AIRIM: variants seen among roughly 807,000 people sequenced by gnomAD.
The protein encoded by AIRIM is AFG2 interacting ribosome maturation factor.
the AIRIM span, among the ~76,000 whole-genome samples, chr1:37,685,354 T>C: frequency 6.7e-6 from 1 of 149,544 alleles, no homozygotes; most frequent in Non-Finnish European, 1.5e-5. Flanking sequence ...GGACTATAGC[T>C]GCACACCATC....
chr1:37,690,384 T>C, the AIRIM span: 1 of 1,289,742 alleles, frequency 7.8e-7, no homozygotes, highest in Non-Finnish European at 1.0e-6. Context: ...CCAAGCGCCG[T>C]CTCTTCTCTG....
At chr1:37,684,748 T>A in the AIRIM span, among the ~76,000 whole-genome samples, 1 of 152,196 alleles carries the variant, frequency 6.6e-6, no homozygotes, top group Non-Finnish European at 1.5e-5. Flanking sequence ...ACAATCCAGT[T>A]GGAGGCATCT....
the AIRIM span, among the ~76,000 whole-genome samples, chr1:37,687,059 AGTGTGTGTGTGTGTGT>A: frequency 0.019 from 2,685 of 141,368 alleles, 67 homozygotes; most frequent in African/African-American, 0.056. Context: ...CCGTCTCAAA[AGTGTGTGTGTGTGTGT>A]GTGTGTGTGT....
chr1:37,690,570 G>C, the AIRIM span: 16 of 998,322 alleles, frequency 1.6e-5, no homozygotes, highest in Non-Finnish European at 1.9e-5. Flanking sequence ...CCGCGGGCCT[G>C]CCTGGCTACT....
At chr1:37,689,083 T>C in the AIRIM span, among the ~76,000 whole-genome samples, 1 of 151,804 alleles carries the variant, frequency 6.6e-6, no homozygotes. Flanking sequence ...CAGAACAAAG[T>C]GGTGATTAAG....
At chr1:37,685,195 G>GA in the AIRIM span, among the ~76,000 whole-genome samples, 13 of 128,444 alleles carry the variant, frequency 1.0e-4, 1 homozygote, top group South Asian at 6.4e-4. Flanking sequence ...TTTTTTTTGG[G>GA]GGGGGGGGGT....
the AIRIM span, chr1:37,683,295 CAAAG>C: frequency 2.6e-5 from 42 of 1,613,624 alleles, no homozygotes; most frequent in Non-Finnish European, 2.6e-5. Flanking sequence ...AGAGGAGACA[CAAAG>C]GAAGAACACA....
chr1:37,690,515 A>C, the AIRIM span: 6 of 1,188,186 alleles, frequency 5.0e-6, no homozygotes, highest in Non-Finnish European at 6.4e-6. Flanking sequence ...ACGCGCCCAC[A>C]GTCTCTCTGC....
At chr1:37,690,142 G>A in the AIRIM span, 33 of 1,181,892 alleles carry the variant, frequency 2.8e-5, no homozygotes, top group Non-Finnish European at 3.7e-5. Context: ...TCAGCCTCCC[G>A]AGTAGCTGGG....
At chr1:37,685,179 G>C in the AIRIM span, among the ~76,000 whole-genome samples, 1 of 117,422 alleles carries the variant, frequency 8.5e-6, no homozygotes, top group Non-Finnish European at 1.6e-5. Flanking sequence ...TCTGTCACTC[G>C]AATGCTTTTT....
the AIRIM span, chr1:37,689,411 C>A: frequency 3.3e-6 from 2 of 597,648 alleles, no homozygotes; most frequent in African/African-American, 1.9e-5. Flanking sequence ...CATGCCTAGT[C>A]TCTGACAAAG....
chr1:37,686,478 C>T, the AIRIM span: 2 of 1,604,228 alleles, frequency 1.2e-6, no homozygotes, highest in Non-Finnish European at 1.7e-6. Context: ...TGACATTAGG[C>T]AATATCATGA....
chr1:37,684,596 G>A, the AIRIM span, among the ~76,000 whole-genome samples: 1 of 152,206 alleles, frequency 6.6e-6, no homozygotes, highest in Non-Finnish European at 1.5e-5. Flanking sequence ...CCCAGTCTGG[G>A]CAACAAGAGC....
chr1:37,689,917 G>A, the AIRIM span: 5 of 1,507,234 alleles, frequency 3.3e-6, no homozygotes, highest in East Asian at 9.1e-5. Context: ...AAATAACCAC[G>A]TTGGGGTGCC....
chr1:37,690,516 GTC>G, the AIRIM span: 3 of 1,186,750 alleles, frequency 2.5e-6, no homozygotes, highest in Non-Finnish European at 3.2e-6. Flanking sequence ...CGCGCCCACA[GTC>G]TCTCTGCGCA....
the AIRIM span, chr1:37,689,602 T>C: frequency 6.3e-7 from 1 of 1,594,878 alleles, no homozygotes; most frequent in Non-Finnish European, 8.6e-7. Context: ...AGGGAGCTGC[T>C]TACAGCCTTT....
the AIRIM span, chr1:37,691,032 G>C: frequency 6.6e-6 from 1 of 152,268 alleles, no homozygotes; most frequent in Admixed American, 6.5e-5. Context: ...ATGAGGTACG[G>C]GTTGTCATCC....
the AIRIM span, chr1:37,683,135 GA>G: frequency 1.9e-6 from 3 of 1,612,970 alleles, no homozygotes; most frequent in South Asian, 3.3e-5. Flanking sequence ...ACTCTTCCAG[GA>G]AGAAGGAAAC....
the AIRIM span, chr1:37,682,784 C>T: frequency 1.4e-5 from 3 of 214,356 alleles, no homozygotes; most frequent in East Asian, 3.5e-4. Flanking sequence ...CTCTTTGCCT[C>T]TTGTCCTTGC....
Sources: gnomAD v4.1 joint callset for allele counts (sites outside exome capture counted in the v4.1 genomes callset) on GRCh38, gnomAD v4.1.1 for gene constraint, MANE v1.5 for transcripts, NCBI Gene and HGNC (gene_info 2026-07-23, HGNC 2026-07-21) for gene names.